The following EPB41L2 variants were observed in gnomAD, a reference collection of about 807,000 sequenced individuals.
EPB41L2 encodes erythrocyte membrane protein band 4.1 like 2.
EPB41L2 carries 43 observed loss-of-function variants against 113.0 expected under a neutral mutation model. That is an observed-to-expected ratio of 0.38 (90% CI 0.30 to 0.49). EPB41L2 has a LOEUF of 0.49. Ranked by LOEUF, EPB41L2 falls within the 20% of genes least tolerant of loss-of-function variation. The pLI, the probability that EPB41L2 is intolerant of heterozygous loss-of-function variation, is 0.95. For synonymous variants in EPB41L2, 442 were observed against 436.7 expected, an observed-to-expected ratio of 1.01 and a Z score of -0.15; for missense variants, 1,147 against 1,223.4, an observed-to-expected ratio of 0.94 and a Z score of 0.93.
At chr6:130,897,135 T>C (rs941196368) in intron 8 of EPB41L2, among the ~76,000 whole-genome samples, 1 of 152,142 alleles carries the variant, frequency 6.6e-6, no homozygotes, top group Non-Finnish European at 1.5e-5. Context: ...GCTTCTCTTA[T>C]GGTTTCTCTG....
chr6:130,880,071 C>T, intron 13 of EPB41L2, 73 bp downstream of exon 13: 1 of 1,139,696 alleles, frequency 8.8e-7, no homozygotes, highest in Admixed American at 1.9e-5. Context: ...TGCCAGCCAG[C>T]CTAGGCGTGA....
intron 4 of EPB41L2, among the ~76,000 whole-genome samples, chr6:130,925,039 A>C (rs1023004407): frequency 2.0e-5 from 3 of 152,106 alleles, no homozygotes; most frequent in Non-Finnish European, 4.4e-5. Flanking sequence ...GCAATTAAGA[A>C]TATGAGTCTG....
chr6:131,026,092 A>C (rs1416379660), intron 1 of EPB41L2, among the ~76,000 whole-genome samples: 3 of 152,182 alleles, frequency 2.0e-5, no homozygotes, highest in Admixed American at 2.0e-4. Flanking sequence ...GGAAAGACAG[A>C]AGGAATTTAG....
At chr6:130,911,001 T>G (rs988379804) in intron 4 of EPB41L2, among the ~76,000 whole-genome samples, 1 of 152,200 alleles carries the variant, frequency 6.6e-6, no homozygotes, top group African/African-American at 2.4e-5. Context: ...GAAACACCAT[T>G]TGACCCAGCC....
At chr6:130,840,663 A>T (rs1775185937) in intron 19 of EPB41L2, 65 bp from the exon 20 acceptor site, 1 of 152,190 alleles carries the variant, frequency 6.6e-6, no homozygotes, top group African/African-American at 2.4e-5. Context: ...GCTTGAAAAA[A>T]ATGTTAAGTA....
chr6:131,013,762 C>A (rs1787573640), intron 1 of EPB41L2, among the ~76,000 whole-genome samples: 1 of 152,120 alleles, frequency 6.6e-6, no homozygotes, highest in African/African-American at 2.4e-5. Flanking sequence ...CAAATGCACA[C>A]AATTTTTCAT....
At position 130,857,655 on chromosome 6, in the gene EPB41L2, T is replaced by C. The variant is rs1780714489; in HGVS notation, c.*5+476A>G. Among the ~76,000 whole-genome samples the C allele has an allele frequency of 2.0e-5, 3 of 148,534 alleles. No individual in the cohort carries two copies. The Admixed American group carries it at 2.1e-4, about 10-fold the overall frequency. ...CTCACTGCAACCTCCGCCTCCCAGG[T>C]TGAAATGATTCTCCTGCCTCAGGCT... On this transcript the variant is annotated intron_variant, in intron 19 of 19. Transcript: ENST00000337057.
intron 1 of EPB41L2, among the ~76,000 whole-genome samples, chr6:130,991,316 G>A (rs1029592519): frequency 6.6e-6 from 1 of 152,180 alleles, no homozygotes; most frequent in Non-Finnish European, 1.5e-5. Flanking sequence ...TCATATGGGT[G>A]CTAAGTAGCT....
At chr6:131,003,420 T>C (rs1336264470) in intron 1 of EPB41L2, among the ~76,000 whole-genome samples, 1 of 152,174 alleles carries the variant, frequency 6.6e-6, no homozygotes, top group Non-Finnish European at 1.5e-5. Context: ...AATCCAAGCT[T>C]GACATTTTCA....
At chr6:131,047,486 T>C in intron 1 of EPB41L2, among the ~76,000 whole-genome samples, 1 of 152,352 alleles carries the variant, frequency 6.6e-6, no homozygotes, top group East Asian at 1.9e-4. Flanking sequence ...AATTACATCT[T>C]AATTGAAAGT....
At chr6:131,036,446 A>T (rs1348939770) in intron 1 of EPB41L2, among the ~76,000 whole-genome samples, 1 of 152,310 alleles carries the variant, frequency 6.6e-6, no homozygotes, top group East Asian at 1.9e-4. Flanking sequence ...GGATGTAATA[A>T]AAAAACAGCA....
At chr6:130,962,295 T>TG (rs1317623310) in intron 1 of EPB41L2, among the ~76,000 whole-genome samples, 2 of 142,484 alleles carry the variant, frequency 1.4e-5, no homozygotes, top group African/African-American at 5.3e-5. Flanking sequence ...AAGGAGGAAG[T>TG]GGGGTGGGAA....
chr6:130,872,381 T>C lies in EPB41L2; in HGVS notation c.2044-2255A>G, dbSNP rs1056602488. On this transcript the variant is annotated intron_variant, in intron 14 of 19. Transcript: ENST00000337057. ...CAAAGTAAAATGCACCTCAAGCAAG[T>C]GTGAGAAGGGCGAGGAAGAAAGCTT... 6 of 1,288,054 alleles carry C rather than the reference T, an allele frequency of 4.7e-6. No homozygotes were observed. The African/African-American group carries it at 7.6e-5, about 16-fold the overall frequency. The allele number at this position is 1,288,054 out of a possible 1,614,324, so 79.8% of individuals were successfully genotyped here. A position where few individuals can be genotyped will look rare whatever the true frequency, so the allele number is the denominator to read the frequency against.
At chr6:130,861,596 G>A (rs1782074437) in intron 18 of EPB41L2, among the ~76,000 whole-genome samples, 1 of 152,194 alleles carries the variant, frequency 6.6e-6, no homozygotes, top group Non-Finnish European at 1.5e-5. Flanking sequence ...TGTTGGCCAG[G>A]TGTGGTAGCT....
chr6:130,979,037 G>T (rs1017779301), intron 1 of EPB41L2, among the ~76,000 whole-genome samples: 2 of 152,186 alleles, frequency 1.3e-5, no homozygotes, highest in African/African-American at 4.8e-5. Context: ...GAGTGGAGGA[G>T]ACAGGACAAG....
At chr6:130,924,000 A>G (rs1803760251) in intron 4 of EPB41L2, among the ~76,000 whole-genome samples, 1 of 152,098 alleles carries the variant, frequency 6.6e-6, no homozygotes, top group Non-Finnish European at 1.5e-5. Flanking sequence ...CCCAGCCCCT[A>G]GCAACCACCA....
chr6:131,062,308 T>C (rs1798827470), intron 1 of EPB41L2: 1 of 151,940 alleles, frequency 6.6e-6, no homozygotes, highest in South Asian at 2.1e-4. Flanking sequence ...CGCCTGGGGA[T>C]GGCGTCCCCA....
At chr6:130,884,065 T>C (rs1297637558) in intron 12 of EPB41L2, among the ~76,000 whole-genome samples, 1 of 152,216 alleles carries the variant, frequency 6.6e-6, no homozygotes, top group Non-Finnish European at 1.5e-5. Flanking sequence ...CCGGGCTCAG[T>C]GGCTCATACC....
At chr6:130,927,082 A>G (rs574932962) in intron 3 of EPB41L2, among the ~76,000 whole-genome samples, 2 of 152,326 alleles carry the variant, frequency 1.3e-5, no homozygotes, top group East Asian at 3.9e-4. Flanking sequence ...TCCCCAGGAA[A>G]ATCATTTAGC....
Sources: gnomAD v4.1 joint callset for allele counts (sites outside exome capture counted in the v4.1 genomes callset) on GRCh38, gnomAD v4.1.1 for gene constraint, MANE v1.5 for transcripts, NCBI Gene and HGNC (gene_info 2026-07-23, HGNC 2026-07-21) for gene names.